AP3M1: variants seen among roughly 807,000 people sequenced by gnomAD.
The protein encoded by AP3M1 is adaptor related protein complex 3 subunit mu 1.
A neutral mutation model predicts 42.6 loss-of-function variants in AP3M1; 29 were observed. The observed-to-expected ratio is 0.68, with a 90% CI of 0.51 to 0.93. The LOEUF (loss-of-function observed/expected upper bound fraction) is 0.93, where lower values mean the gene tolerates loss of function less well. Ranked by LOEUF, AP3M1 falls within the 40% of genes least tolerant of loss-of-function variation. The probability of loss-of-function intolerance (pLI) is 0.00; values close to 1 mark genes in which losing one functional copy is unlikely to be tolerated. For missense variants in AP3M1, 416 were observed against 510.2 expected (o/e 0.82, Z 1.78); for synonymous variants, 178 against 175.3 (o/e 1.02, Z -0.12).
chr10:74,126,232 T>C lies in AP3M1; in HGVS notation c.927A>G (p.Thr309=), dbSNP rs976568096. The change falls in exon 7 of 9, where the codon ACA becomes ACG. Residue 309 remains threonine, a synonymous_variant. Transcript: ENST00000355264. ...CAACTTTTGGCATGTGAACTGTCAC[T>C]GTAATTCCTTCAATAGTTTTCCCCA... The part of the protein sequence containing the change: ...QNMGKTIEGI[T]VTVHMPKVVL... 2 of 1,614,228 alleles carry C rather than the reference T, an allele frequency of 1.2e-6. No homozygotes were observed. The highest frequency in any genetic ancestry group is 1.7e-5 in the Admixed American group (1 of 60,024).
rs1157815132 is a variant in AP3M1, at chr10:74,134,166, T to A, written c.446-2A>T. ...GTGTGTCCCCAACATTACTACTGCC[T>A]AGAAACCAAAAAAGGAGAAGGCAAA... On this transcript the variant is annotated splice_acceptor_variant, in intron 3 of 8. Coordinates refer to ENST00000355264, the MANE Select transcript of AP3M1 (RefSeq NM_012095.6). LOFTEE classifies it high-confidence loss of function. 3.1e-6 allele frequency: 5 copies of A among 1,610,128 alleles called. No homozygotes were observed. The South Asian group carries it at 4.4e-5, about 14-fold the overall frequency.
At chr10:74,133,299 C>T (rs909648078) in intron 4 of AP3M1, among the ~76,000 whole-genome samples, 2 of 151,550 alleles carry the variant, frequency 1.3e-5, no homozygotes, top group Admixed American at 1.3e-4. Flanking sequence ...GAGGCTGAGG[C>T]AGAAGAACTG....
intron 4 of AP3M1, among the ~76,000 whole-genome samples, chr10:74,132,698 C>G (rs1162770415): frequency 2.1e-5 from 3 of 145,534 alleles, no homozygotes; most frequent in Non-Finnish European, 3.1e-5. Context: ...GGCAAAAGAG[C>G]AAGACCCTGT....
At chr10:74,124,274 C>T (rs1840551419) in intron 8 of AP3M1, 106 bp downstream of exon 8, 4 of 1,382,116 alleles carry the variant, frequency 2.9e-6, no homozygotes, top group Non-Finnish European at 3.9e-6. Context: ...GGCAAATGGG[C>T]TACTGCTCTT....
In AP3M1 at chr10:74,134,027, C is replaced by G. The variant is rs778368356; in HGVS notation, c.583G>C (p.Gly195Arg). 6.2e-7 allele frequency: 1 copy of G among 1,613,678 alleles called. No homozygotes were observed. Among genetic ancestry groups the G allele is most frequent in the Non-Finnish European group, 8.5e-7 (1 of 1,179,766 alleles). The change falls in exon 4 of 9, where the codon GGA becomes CGA. Residue 195 changes from glycine to arginine, a missense_variant and splice_region_variant. Physicochemically the swap from Gly to Arg is moderately radical, Grantham distance 125. Transcript: ENST00000355264. ...EEIDAIIDKS[G>R]STVFAEIQGV... is the part of the protein sequence containing the mutation. ...AATAAGATGACATGCACACAATTAC[C>G]TGATTTATCTATAATTGCGTCTATT...
At chr10:74,148,797 T>C (rs1841415221) in intron 1 of AP3M1, among the ~76,000 whole-genome samples, 1 of 152,082 alleles carries the variant, frequency 6.6e-6, no homozygotes, top group South Asian at 2.1e-4. Flanking sequence ...CCTCAAGTGA[T>C]TTTCCCGCCT....
chr10:74,126,755 G>C (rs888179803), intron 6 of AP3M1, among the ~76,000 whole-genome samples: 1 of 151,602 alleles, frequency 6.6e-6, no homozygotes, highest in African/African-American at 2.4e-5. Context: ...TTGGGAGGCT[G>C]AGGTGAGGAG....
chr10:74,136,721 T>C lies in AP3M1; in HGVS notation c.356A>G (p.Asn119Ser), dbSNP rs1840959094. 6.3e-7 allele frequency: 1 copy of C among 1,594,332 alleles called. No individual in the cohort carries two copies. The change falls in exon 3 of 9, where the codon AAT (asparagine) becomes AGT (serine). Residue 119 changes from asparagine (N) to serine (S), a missense_variant. By Grantham distance (46) the Asn-to-Ser change is conservative. Transcript: ENST00000355264. ...AGATTCGGTAGCCAGTGGAAATCCA[T>C]TGTCTAACATTTCTTCTAAGAGTTC... The part of the protein sequence containing the change: ...VYELLEEMLD[N>S]GFPLATESNI...
At chr10:74,130,024 T>A in intron 4 of AP3M1, 32 bp from the exon 5 acceptor site, 1 of 1,355,034 alleles carries the variant, frequency 7.4e-7, no homozygotes, top group Non-Finnish European at 1.1e-6. Flanking sequence ...GAAGATAACA[T>A]CAATGGAATA....
chr10:74,143,220 G>A (rs1005143864), intron 1 of AP3M1, among the ~76,000 whole-genome samples: 2 of 152,114 alleles, frequency 1.3e-5, no homozygotes, highest in African/African-American at 2.4e-5. Flanking sequence ...GCATGGTGGC[G>A]TGCGCCTGTA....
chr10:74,121,202 A>G lies in AP3M1; in HGVS notation c.*2608T>C, dbSNP rs568207763. 1.3e-5 allele frequency: 2 copies of G among 152,294 alleles called. No homozygotes were observed. Among genetic ancestry groups the G allele is most frequent in the South Asian group, 4.1e-4 (2 of 4,828 alleles). The allele number at this position is 152,294 out of a possible 1,614,324, so 9.4% of individuals were successfully genotyped here. ...AACTGTCTTGTTTTTGCCATTTACC[A>G]TATGTTCACTGGTGCTGCCTTCCTG... On this transcript the variant is annotated 3_prime_UTR_variant, in exon 9 of 9. Coordinates refer to ENST00000355264, the MANE Select transcript of AP3M1 (RefSeq NM_012095.6).
At chr10:74,145,353 A>G (rs1040434179) in intron 1 of AP3M1, among the ~76,000 whole-genome samples, 1 of 152,182 alleles carries the variant, frequency 6.6e-6, no homozygotes, top group Non-Finnish European at 1.5e-5. Context: ...TCCTAGATTT[A>G]TTGTTGTTAT....
chr10:74,126,305 T>G lies in AP3M1; in HGVS notation c.854A>C (p.Asn285Thr). 6.2e-7 allele frequency: 1 copy of G among 1,614,172 alleles called. No homozygotes were observed. The highest frequency in any genetic ancestry group is 8.5e-7 in the Non-Finnish European group (1 of 1,180,020). The change falls in exon 7 of 9, where the codon AAC (asparagine) becomes ACC (threonine). Residue 285 changes from asparagine (N) to threonine (T), a missense_variant. By Grantham distance (65) the Asn-to-Thr change is moderately conservative. Transcript: ENST00000355264. The part of the protein sequence containing the change: ...YVKHSISFKE[N>T]SSCGRFDITI... ...TATATCAAATCTGCCGCAAGAACTGTTCTCCTTAAAGCTGATACTATGTTT... is the reference window on the plus strand; with the variant it reads ...TATATCAAATCTGCCGCAAGAACTGGTCTCCTTAAAGCTGATACTATGTTT...
chr10:74,148,651 A>G (rs1841409159), intron 1 of AP3M1, among the ~76,000 whole-genome samples: 1 of 151,976 alleles, frequency 6.6e-6, no homozygotes, highest in Admixed American at 6.5e-5. Context: ...GGCTCAAGTG[A>G]TCCTTCTGCC....
At chr10:74,138,597 GAAAAA>G (rs35488304) in intron 1 of AP3M1, among the ~76,000 whole-genome samples, 4 of 111,048 alleles carry the variant, frequency 3.6e-5, no homozygotes, top group Admixed American at 1.9e-4. Flanking sequence ...ATCCTTTTAC[GAAAAA>G]AAAAAAAAAA....
Position 74,129,215 on chromosome 10 carries a change from G to A in AP3M1, c.696C>T (p.Ser232=). The change falls in exon 6 of 9, where the codon AGC becomes AGT. Residue 232 remains serine, a synonymous_variant. Transcript: ENST00000355264. Reference sequence around the variant, plus strand: ...GCTTGAACCGGATGCAGGGGTGAAAGCTGACATCATCCAGAAGCCTAGGGT... The same window carrying A: ...GCTTGAACCGGATGCAGGGGTGAAAACTGACATCATCCAGAAGCCTAGGGT... ...FMNPRLLDDV[S]FHPCIRFKRW... is the part of the protein sequence containing the mutation. 1 of 1,614,098 alleles carries A rather than the reference G, an allele frequency of 6.2e-7. No homozygotes were observed. The highest frequency in any genetic ancestry group is 8.5e-7 in the Non-Finnish European group (1 of 1,180,000).
At chr10:74,149,074 T>C (rs962880971) in intron 1 of AP3M1, among the ~76,000 whole-genome samples, 8 of 151,566 alleles carry the variant, frequency 5.3e-5, no homozygotes, top group East Asian at 3.9e-4. Flanking sequence ...GGTTTCTCCA[T>C]ATTTGCCAGG....
intron 1 of AP3M1, among the ~76,000 whole-genome samples, chr10:74,142,317 A>G (rs1841179285): frequency 1.3e-5 from 2 of 152,236 alleles, no homozygotes; most frequent in South Asian, 4.1e-4. Flanking sequence ...TACAGTTTCT[A>G]TGAATGAAGA....
At chr10:74,135,631 G>A (rs1016139806) in intron 3 of AP3M1, among the ~76,000 whole-genome samples, 1 of 151,910 alleles carries the variant, frequency 6.6e-6, no homozygotes, top group Admixed American at 6.5e-5. Context: ...ATTTTTTTCA[G>A]TTTTGTGCTG....
Sources: gnomAD v4.1 joint callset for allele counts (sites outside exome capture counted in the v4.1 genomes callset) on GRCh38, gnomAD v4.1.1 for gene constraint, MANE v1.5 for transcripts, NCBI Gene and HGNC (gene_info 2026-07-23, HGNC 2026-07-21) for gene names.